RALYL: variants seen among roughly 807,000 people sequenced by gnomAD.
The protein encoded by RALYL is RALY RNA binding protein like.
RALYL carries 29 observed loss-of-function variants against 35.1 expected under a neutral mutation model. The observed-to-expected ratio is 0.83, with a 90% CI of 0.61 to 1.13. The LOEUF is 1.13. RALYL is among the 50% of genes most tolerant of loss of function. RALYL has a pLI of 0.00. For missense variants in RALYL, 359 were observed against 360.4 expected (o/e 1.00, Z 0.03); for synonymous variants, 120 against 127.6 (o/e 0.94, Z 0.40).
chr8:84,350,707 G>A (rs1353730202), intron 1 of RALYL, among the ~76,000 whole-genome samples: 2 of 150,184 alleles, frequency 1.3e-5, no homozygotes, highest in Non-Finnish European at 3.0e-5. Flanking sequence ...TGCCAAATAA[G>A]CAAAACACAA....
intron 1 of RALYL, among the ~76,000 whole-genome samples, chr8:84,194,069 A>G (rs1486804627): frequency 6.6e-6 from 1 of 152,194 alleles, no homozygotes; most frequent in Non-Finnish European, 1.5e-5. Flanking sequence ...GTCAGAAAAG[A>G]CTATTGTATT....
chr8:84,420,535 A>G lies in RALYL; in HGVS notation c.-23-108764A>G, dbSNP rs1170888580. Among the ~76,000 whole-genome samples the G allele has an allele frequency of 3.4e-5, 5 of 146,586 alleles. 1 individual carries two copies. Among genetic ancestry groups the G allele is most frequent in the African/African-American group, 1.3e-4 (5 of 38,594 alleles). On this transcript the variant is annotated intron_variant, in intron 1 of 8. Coordinates refer to ENST00000521268, the MANE Select transcript of RALYL (RefSeq NM_173848.7). ...GATGGTAGTTTCTTTTGCTGTGCAG[A>G]AGCTCTTTAGTTTAATTAGATCCCA...
At chr8:84,781,620 T>TA (rs1818180478) in intron 3 of RALYL, among the ~76,000 whole-genome samples, 1 of 152,188 alleles carries the variant, frequency 6.6e-6, no homozygotes, top group Non-Finnish European at 1.5e-5. Context: ...TGACATAGTT[T>TA]ATGATAAAAA....
At chr8:84,590,017 A>C (rs1812884163) in intron 2 of RALYL, among the ~76,000 whole-genome samples, 3 of 152,224 alleles carry the variant, frequency 2.0e-5, no homozygotes, top group Admixed American at 2.0e-4. Context: ...ATTATCATTG[A>C]TAACACTGAA....
At chr8:84,870,384 A>G (rs1413524098) in intron 6 of RALYL, among the ~76,000 whole-genome samples, 1 of 151,674 alleles carries the variant, frequency 6.6e-6, no homozygotes, top group Admixed American at 6.6e-5. Flanking sequence ...CAGCCTCCCA[A>G]GTAGCTGGGA....
At chr8:84,254,471 T>G (rs1306815979) in intron 1 of RALYL, among the ~76,000 whole-genome samples, 1 of 152,062 alleles carries the variant, frequency 6.6e-6, no homozygotes, top group Admixed American at 6.6e-5. Context: ...AGCCCTGTGA[T>G]CAGTGAAACC....
At chr8:84,739,285 C>T (rs1035171974) in intron 2 of RALYL, among the ~76,000 whole-genome samples, 6 of 151,566 alleles carry the variant, frequency 4.0e-5, no homozygotes, top group Admixed American at 2.6e-4. Context: ...TACTTCACAT[C>T]GTATAATCAC....
At chr8:84,893,735 T>A (rs1482963009) in intron 8 of RALYL, among the ~76,000 whole-genome samples, 1 of 152,204 alleles carries the variant, frequency 6.6e-6, no homozygotes, top group African/African-American at 2.4e-5. Context: ...GGTTTGAAAC[T>A]ACAGAGCTAA....
At chr8:84,802,253 T>C (rs181396631) in intron 3 of RALYL, among the ~76,000 whole-genome samples, 2 of 152,340 alleles carry the variant, frequency 1.3e-5, no homozygotes, top group South Asian at 2.1e-4. Flanking sequence ...ATTATTACTC[T>C]TCTTTTGATA....
At chr8:84,392,384 C>A (rs1166403539) in intron 1 of RALYL, among the ~76,000 whole-genome samples, 1 of 151,382 alleles carries the variant, frequency 6.6e-6, no homozygotes, top group African/African-American at 2.4e-5. Flanking sequence ...ATAAAGTATT[C>A]ATTTGTAAAT....
intron 1 of RALYL, among the ~76,000 whole-genome samples, chr8:84,226,417 G>A (rs1823886096): frequency 6.6e-6 from 1 of 152,052 alleles, no homozygotes; most frequent in Admixed American, 6.6e-5. Flanking sequence ...GTTTTGTTTT[G>A]TTTTTTGAAA....
intron 1 of RALYL, among the ~76,000 whole-genome samples, chr8:84,219,237 G>A (rs1362786698): frequency 6.6e-6 from 1 of 151,988 alleles, no homozygotes; most frequent in African/African-American, 2.4e-5. Context: ...TTTTCTCCAG[G>A]CTGTTCTTGT....
chr8:84,372,434 C>T (rs1855904294), intron 1 of RALYL, among the ~76,000 whole-genome samples: 1 of 151,926 alleles, frequency 6.6e-6, no homozygotes, highest in Admixed American at 6.6e-5. Flanking sequence ...GCAGCAGTAG[C>T]CTGCATACAG....
intron 2 of RALYL, among the ~76,000 whole-genome samples, chr8:84,590,617 G>C (rs536539343): frequency 6.6e-6 from 1 of 152,164 alleles, no homozygotes; most frequent in Non-Finnish European, 1.5e-5. Context: ...TGAACCTATG[G>C]AATTTACCAC....
At chr8:84,307,077 G>A (rs894764632) in intron 1 of RALYL, among the ~76,000 whole-genome samples, 1 of 152,120 alleles carries the variant, frequency 6.6e-6, no homozygotes, top group East Asian at 1.9e-4. Context: ...AGGCTTGAGG[G>A]TTCCAGTGGT....
chr8:84,585,778 T>C (rs1264084382), intron 2 of RALYL, among the ~76,000 whole-genome samples: 1 of 152,076 alleles, frequency 6.6e-6, no homozygotes. Context: ...AAACAAAAAA[T>C]GGCCCCTCTC....
chr8:84,812,348 G>A (rs1826090349), intron 4 of RALYL, among the ~76,000 whole-genome samples: 2 of 152,186 alleles, frequency 1.3e-5, no homozygotes, highest in African/African-American at 4.8e-5. Context: ...GTGATGAAAT[G>A]GACTCTGTCA....
rs758048664 is a variant in RALYL at position 84,892,098 on chromosome 8, A to G, written c.858+4322A>G. Among the ~76,000 whole-genome samples, 58 of 152,232 alleles carry G rather than the reference A, an allele frequency of 3.8e-4. 1 individual carries two copies. The Middle Eastern group carries it at 9.5e-3, about 25-fold the overall frequency. On this transcript the variant is annotated intron_variant, in intron 8 of 8. Transcript: ENST00000521268. ...GAGGTGGTGAGAAGCCAAAGATATG[A>G]GCACAGACTATCTACATAATGTCTA...
intron 8 of RALYL, among the ~76,000 whole-genome samples, chr8:84,889,931 G>A (rs187445163): frequency 8.9e-4 from 135 of 152,182 alleles, no homozygotes; most frequent in African/African-American, 2.8e-3. Flanking sequence ...CCCAAGCCAC[G>A]ATCCCTGCTC....
Sources: gnomAD v4.1 joint callset for allele counts (sites outside exome capture counted in the v4.1 genomes callset) on GRCh38, gnomAD v4.1.1 for gene constraint, MANE v1.5 for transcripts, NCBI Gene and HGNC (gene_info 2026-07-23, HGNC 2026-07-21) for gene names.